Variants in PDE4D observed in about 807,000 individuals in gnomAD.
PDE4D encodes the protein phosphodiesterase 4D.
Under a neutral mutation model 87.4 loss-of-function variants are expected in PDE4D, and 24 were observed. The observed-to-expected ratio is 0.27, with a 90% CI of 0.20 to 0.39. The LOEUF (loss-of-function observed/expected upper bound fraction) is 0.39, where lower values mean the gene tolerates loss of function less well. Among genes scored for constraint, PDE4D ranks in the 10% least tolerant of loss-of-function variants. PDE4D has a pLI of 1.00. For synonymous variants in PDE4D, 384 were observed against 383.2 expected, an observed-to-expected ratio of 1.00 and a Z score of -0.02; for missense variants, 714 against 1,041.0, an observed-to-expected ratio of 0.69 and a Z score of 4.32.
intron 2 of PDE4D, among the ~76,000 whole-genome samples, chr5:59,999,110 G>C (rs143851767): frequency 1.3e-5 from 2 of 152,258 alleles, no homozygotes; most frequent in African/African-American, 4.8e-5. Context: ...GAAAATAATA[G>C]TCTCATTGAA....
intron 1 of PDE4D, among the ~76,000 whole-genome samples, chr5:59,260,607 A>G (rs954449761): frequency 2.6e-5 from 4 of 151,874 alleles, no homozygotes; most frequent in African/African-American, 9.7e-5. Context: ...TTTGACTATT[A>G]AGAAATGATC....
intron 1 of PDE4D, among the ~76,000 whole-genome samples, chr5:59,235,434 A>AT (rs890256217): frequency 5.3e-5 from 8 of 152,108 alleles, no homozygotes; most frequent in African/African-American, 1.9e-4. Flanking sequence ...GGGAGTGTAG[A>AT]TTTTTATCCT....
chr5:59,017,791 T>C (rs1333857138), intron 6 of PDE4D, among the ~76,000 whole-genome samples: 1 of 152,226 alleles, frequency 6.6e-6, no homozygotes, highest in African/African-American at 2.4e-5. Context: ...TTTATGAAAT[T>C]ACTGTTTTAC....
chr5:59,864,313 G>A (rs1581483261), intron 1 of PDE4D, among the ~76,000 whole-genome samples: 2 of 152,246 alleles, frequency 1.3e-5, no homozygotes, highest in Admixed American at 1.3e-4. Flanking sequence ...TCAAAAATAT[G>A]ACAATTTTTG....
At chr5:59,601,241 G>A (rs563108227) in intron 1 of PDE4D, among the ~76,000 whole-genome samples, 9 of 152,254 alleles carry the variant, frequency 5.9e-5, no homozygotes, top group Middle Eastern at 3.4e-3. Context: ...AGTGGCCTAA[G>A]CTATCATAAT....
intron 1 of PDE4D, among the ~76,000 whole-genome samples, chr5:60,328,886 GCTGT>G (rs1757045660): frequency 6.6e-6 from 1 of 152,172 alleles, no homozygotes; most frequent in Non-Finnish European, 1.5e-5. Flanking sequence ...TGTGAAAGTT[GCTGT>G]CTTTCTGCCA....
At chr5:59,854,879 T>C (rs1213725472) in intron 1 of PDE4D, among the ~76,000 whole-genome samples, 1 of 152,102 alleles carries the variant, frequency 6.6e-6, no homozygotes, top group Admixed American at 6.6e-5. Flanking sequence ...GGGACAGCCA[T>C]GTATGCCAGG....
intron 2 of PDE4D, among the ~76,000 whole-genome samples, chr5:59,212,843 A>G (rs1295137001): frequency 6.6e-6 from 1 of 151,620 alleles, no homozygotes; most frequent in East Asian, 2.0e-4. Flanking sequence ...AACATTGTTT[A>G]TTGTTATCTA....
chr5:60,230,237 A>AAT (rs1363153756), intron 1 of PDE4D, among the ~76,000 whole-genome samples: 17 of 152,248 alleles, frequency 1.1e-4, no homozygotes, highest in African/African-American at 4.1e-4. Flanking sequence ...AAACTCTTTA[A>AAT]AAACATCTTG....
At chr5:59,718,566 A>C (rs1755359508) in intron 1 of PDE4D, among the ~76,000 whole-genome samples, 2 of 152,332 alleles carry the variant, frequency 1.3e-5, no homozygotes, top group South Asian at 4.1e-4. Flanking sequence ...TAATTTTATC[A>C]GCACAATTTT....
At chr5:59,428,499 A>C (rs1795646899) in intron 1 of PDE4D, among the ~76,000 whole-genome samples, 1 of 152,126 alleles carries the variant, frequency 6.6e-6, no homozygotes, top group South Asian at 2.1e-4. Context: ...ATGATATGAA[A>C]ATAAACATAA....
At chr5:59,926,346 C>T (rs996948901) in intron 3 of PDE4D, among the ~76,000 whole-genome samples, 9 of 151,942 alleles carry the variant, frequency 5.9e-5, no homozygotes, top group South Asian at 2.1e-4. Flanking sequence ...CAAAACCTAA[C>T]GGGTACAGTT....
intron 1 of PDE4D, among the ~76,000 whole-genome samples, chr5:60,356,421 G>T (rs955658364): frequency 5.9e-5 from 9 of 152,118 alleles, no homozygotes; most frequent in African/African-American, 2.2e-4. Context: ...TTGGGCTGCA[G>T]TTGTTATTTT....
At chr5:59,860,567 A>G (rs1476940059) in intron 1 of PDE4D, among the ~76,000 whole-genome samples, 3 of 152,240 alleles carry the variant, frequency 2.0e-5, no homozygotes, top group Non-Finnish European at 2.9e-5. Context: ...TTTAAAATAT[A>G]TACTTGCAAG....
rs1016878598 is a variant in PDE4D at position 60,053,696 on chromosome 5, C to G, written c.43-64979G>C. On this transcript the variant is annotated intron_variant, in intron 2 of 16. Coordinates refer to the PDE4D transcript ENST00000502484. ...AGAAGCCAAAATTGACAAATGGAAT[C>G]TAATCAAAGAGCTTCTTCACAGCTG... 4.0e-5 allele frequency among the ~76,000 whole-genome samples: 6 copies of G among 151,838 alleles called. No homozygotes were observed. The East Asian group carries it at 1.2e-3, about 29-fold the overall frequency.
intron 1 of PDE4D, among the ~76,000 whole-genome samples, chr5:59,781,722 T>C (rs1018291106): frequency 1.1e-4 from 15 of 133,518 alleles, no homozygotes; most frequent in East Asian, 4.3e-4. Context: ...GAGGCGGAGG[T>C]TGCAGTGAGC....
chr5:59,676,603 T>C lies in PDE4D; in HGVS notation c.455+216565A>G, dbSNP rs548130680. Among the ~76,000 whole-genome samples the C allele has an allele frequency of 5.3e-5, 8 of 152,294 alleles. No homozygotes were observed. The South Asian group carries it at 1.7e-3, about 32-fold the overall frequency. ...TCATTTTAAATCTCAAACTATGCTG[T>C]GTTTCATAAGGAAATCAAAGGATAT... On this transcript the variant is annotated intron_variant, in intron 1 of 14. Transcript: ENST00000340635.
At chr5:59,818,871 A>AG (rs1491161771) in intron 1 of PDE4D, among the ~76,000 whole-genome samples, 1 of 44,882 alleles carries the variant, frequency 2.2e-5, no homozygotes, top group African/African-American at 7.9e-5. Flanking sequence ...AAAAGTAGAT[A>AG]AAAAAAAAAA....
chr5:59,570,452 A>C (rs925714525), intron 1 of PDE4D, among the ~76,000 whole-genome samples: 5 of 152,204 alleles, frequency 3.3e-5, no homozygotes, highest in African/African-American at 1.2e-4. Context: ...AAATATGTAA[A>C]GTAATATAAA....
Sources: gnomAD v4.1 joint callset for allele counts (sites outside exome capture counted in the v4.1 genomes callset) on GRCh38, gnomAD v4.1.1 for gene constraint, MANE v1.5 for transcripts, NCBI Gene and HGNC (gene_info 2026-07-23, HGNC 2026-07-21) for gene names.